UVRAG: variants seen among roughly 807,000 people sequenced by gnomAD.
The protein encoded by UVRAG is UV radiation resistance associated, also known as UV radiation resistance-associated gene protein.
UVRAG carries 19 observed loss-of-function variants against 78.0 expected under a neutral mutation model. That is an observed-to-expected ratio of 0.24 (90% CI 0.17 to 0.36). The LOEUF (loss-of-function observed/expected upper bound fraction) is 0.36, where lower values mean the gene tolerates loss of function less well. UVRAG is among the 10% of genes least tolerant of loss of function. The pLI is 1.00. For missense variants in UVRAG, 740 were observed against 853.8 expected, an observed-to-expected ratio of 0.87 and a Z score of 1.66; for synonymous variants, 323 against 324.6, an observed-to-expected ratio of 1.00 and a Z score of 0.05.
chr11:76,029,338 T>C (rs1484543191), intron 12 of UVRAG, among the ~76,000 whole-genome samples: 1 of 150,796 alleles, frequency 6.6e-6, no homozygotes, highest in Non-Finnish European at 1.5e-5. Context: ...TGGATGACTT[T>C]TAAGTCTTCT....
chr11:75,960,202 GTT>G lies in UVRAG; in HGVS notation c.594-1230_594-1229del, dbSNP rs11302810. On this transcript the variant is annotated intron_variant, in intron 6 of 14. Coordinates refer to ENST00000356136, the MANE Select transcript of UVRAG (RefSeq NM_003369.4). ...CAGGGTTGCCACAAACCTTCAATTT[GTT>G]TTTTTTTTTTTGTTTCTTTTTTTTA... Among the ~76,000 whole-genome samples the G allele has an allele frequency of 5.9e-3, 824 of 138,748 alleles. 9 individuals are homozygous for G. Among genetic ancestry groups the G allele is most frequent in the African/African-American group, 0.02 (779 of 38,664 alleles). The allele number at this position is 138,748 out of a possible 152,430, so 91.0% of individuals were successfully genotyped here.
chr11:76,097,465 A>G (rs1185302773), intron 13 of UVRAG, among the ~76,000 whole-genome samples: 1 of 152,130 alleles, frequency 6.6e-6, no homozygotes. Flanking sequence ...CAGACAGGTT[A>G]TCACTTCTTT....
At chr11:76,078,852 C>G (rs750124862) in intron 13 of UVRAG, among the ~76,000 whole-genome samples, 7 of 151,842 alleles carry the variant, frequency 4.6e-5, no homozygotes, top group Admixed American at 2.0e-4. Context: ...TGATGTGAAC[C>G]CAGGAGGCGG....
chr11:75,860,165 G>A (rs1207157810), intron 2 of UVRAG, among the ~76,000 whole-genome samples: 1 of 152,066 alleles, frequency 6.6e-6, no homozygotes, highest in Admixed American at 6.5e-5. Context: ...GACTGGTCTT[G>A]AACTGCTGAC....
intron 2 of UVRAG, among the ~76,000 whole-genome samples, chr11:75,859,191 A>G (rs1055316021): frequency 1.3e-5 from 2 of 152,178 alleles, no homozygotes; most frequent in East Asian, 1.9e-4. Flanking sequence ...CCTGGCCAAC[A>G]TGGCGAAACC....
chr11:76,132,981 G>T (rs182228014), intron 14 of UVRAG, among the ~76,000 whole-genome samples: 1 of 152,180 alleles, frequency 6.6e-6, no homozygotes, highest in Non-Finnish European at 1.5e-5. Context: ...GTGGCTTCAT[G>T]ACCTTTGGTC....
At chr11:75,918,897 C>G (rs548975585) in intron 6 of UVRAG, among the ~76,000 whole-genome samples, 1 of 152,250 alleles carries the variant, frequency 6.6e-6, no homozygotes, top group South Asian at 2.1e-4. Flanking sequence ...GTCTGTGAGC[C>G]TTCAGCTGTT....
intron 14 of UVRAG, among the ~76,000 whole-genome samples, chr11:76,126,251 A>T (rs1437237681): frequency 6.6e-6 from 1 of 152,182 alleles, no homozygotes. Flanking sequence ...TGGCAGTCAC[A>T]TTTTTAAAAA....
In UVRAG at chr11:75,886,225, G is replaced by A. The variant is rs143214883; in HGVS notation, c.433-2604G>A. ...TTTTCAACAAACTATTTTAATGCACGTCTTCATGAAGTTTACACTTTGAGA... is the reference window on the plus strand; with the variant it reads ...TTTTCAACAAACTATTTTAATGCACATCTTCATGAAGTTTACACTTTGAGA... On this transcript the variant is annotated intron_variant, in intron 4 of 14. Transcript: ENST00000356136. Among the ~76,000 whole-genome samples, 30 of 152,168 alleles carry A rather than the reference G, an allele frequency of 2.0e-4. 1 individual carries two copies. In the East Asian group the frequency reaches 4.8e-3, roughly 24 times the overall value.
intron 1 of UVRAG, among the ~76,000 whole-genome samples, chr11:75,832,220 C>G (rs1433140070): frequency 2.6e-5 from 4 of 152,164 alleles, no homozygotes; most frequent in African/African-American, 9.7e-5. Context: ...TCCTTGTGTT[C>G]AGTTCAATTC....
At chr11:75,981,010 AGTT>A (rs1949380688) in intron 7 of UVRAG, among the ~76,000 whole-genome samples, 1 of 151,882 alleles carries the variant, frequency 6.6e-6, no homozygotes, top group Non-Finnish European at 1.5e-5. Context: ...TCAAAGAACC[AGTT>A]GTTGGTTTCA....
At chr11:75,928,961 A>AAAAAAAAAG (rs767893577) in intron 6 of UVRAG, among the ~76,000 whole-genome samples, 29 of 142,996 alleles carry the variant, frequency 2.0e-4, no homozygotes, top group African/African-American at 4.8e-4. Flanking sequence ...AAAAAAAAAA[A>AAAAAAAAAG]AAAGAATTGA....
chr11:76,140,968 A>G lies in UVRAG; in HGVS notation c.1655A>G (p.Asp552Gly). 1.2e-6 allele frequency: 2 copies of G among 1,614,086 alleles called. No individual in the cohort carries two copies. The highest frequency in any genetic ancestry group is 1.1e-5 in the South Asian group (1 of 91,064). Reference protein sequence around the residue: ...RKITSLSSSLDTSLDFSKENK... With the variant: ...RKITSLSSSLGTSLDFSKENK... ...ATAACATCTCTATCCTCCTCCTTGG[A>G]TACCTCCTTGGACTTCTCCAAAGAA... Residue 552 changes from aspartate to glycine, a missense_variant, in exon 15 of 15, where the codon GAT (aspartate) becomes GGT (glycine). Asp to Gly is a moderately conservative substitution (Grantham distance 94). Transcript: ENST00000356136.
At chr11:75,858,694 C>T (rs540275289) in intron 2 of UVRAG, among the ~76,000 whole-genome samples, 5 of 152,254 alleles carry the variant, frequency 3.3e-5, no homozygotes, top group South Asian at 2.1e-4. Context: ...AATTGCCCTC[C>T]GTGGGAGTTG....
intron 14 of UVRAG, chr11:76,137,485 G>A (rs1218883511): frequency 2.2e-6 from 1 of 456,038 alleles, no homozygotes; most frequent in East Asian, 6.9e-5. Context: ...TTTTTGAAAG[G>A]TTAAATCTCA....
At chr11:75,965,304 T>TTTTATTTATTTATTTATTTATTTATTTA (rs112528205) in intron 7 of UVRAG, among the ~76,000 whole-genome samples, 51 of 145,954 alleles carry the variant, frequency 3.5e-4, no homozygotes, top group African/African-American at 1.4e-3. Context: ...TTTGGACATC[T>TTTTATTTATTTATTTATTTATTTATTTA]TTTATTTATT....
At chr11:75,979,195 T>C (rs1488882778) in intron 7 of UVRAG, among the ~76,000 whole-genome samples, 1 of 152,180 alleles carries the variant, frequency 6.6e-6, no homozygotes. Flanking sequence ...ACTGCAAATA[T>C]TGCAGAACGG....
At chr11:76,063,301 G>T (rs1951127805) in intron 12 of UVRAG, among the ~76,000 whole-genome samples, 1 of 152,152 alleles carries the variant, frequency 6.6e-6, no homozygotes, top group South Asian at 2.1e-4. Context: ...AAAAGAAAGG[G>T]TTGCAAACTG....
intron 13 of UVRAG, among the ~76,000 whole-genome samples, chr11:76,077,177 C>T (rs7123752): frequency 0.14 from 20,813 of 148,206 alleles, 3,757 homozygotes; most frequent in African/African-American, 0.42. Context: ...ATTATATATA[C>T]ACACACACAC....
Sources: gnomAD v4.1 joint callset for allele counts (sites outside exome capture counted in the v4.1 genomes callset) on GRCh38, gnomAD v4.1.1 for gene constraint, MANE v1.5 for transcripts, NCBI Gene and HGNC (gene_info 2026-07-23, HGNC 2026-07-21) for gene names.